Variants in PCMTD1 observed in about 807,000 individuals in gnomAD.
PCMTD1 encodes the protein protein-L-isoaspartate O-methyltransferase domain-containing protein 1.
PCMTD1 carries 12 observed loss-of-function variants against 37.6 expected under a neutral mutation model. That is an observed-to-expected ratio of 0.32 (90% CI 0.20 to 0.52). The LOEUF (loss-of-function observed/expected upper bound fraction) is 0.52. Ranked by LOEUF, PCMTD1 falls within the 20% of genes least tolerant of loss-of-function variation. The pLI, the probability that PCMTD1 is intolerant of heterozygous loss-of-function variation, is 0.97. For missense variants in PCMTD1, 235 were observed against 421.3 expected (o/e 0.56, Z 3.87); for synonymous variants, 117 against 135.8 (o/e 0.86, Z 0.96).
At chr8:51,850,015 C>T (rs570764116) in intron 2 of PCMTD1, 9 of 699,790 alleles carry the variant, frequency 1.3e-5, no homozygotes, top group Admixed American at 8.1e-5. Flanking sequence ...AAGTACTTCA[C>T]AATACATAAA....
At chr8:51,874,836 T>C (rs1439225589) in intron 1 of PCMTD1, among the ~76,000 whole-genome samples, 1 of 152,210 alleles carries the variant, frequency 6.6e-6, no homozygotes, top group Admixed American at 6.5e-5. Flanking sequence ...CACTTGTTTA[T>C]GCCTCAGGAA....
At chr8:51,826,035 A>T (rs1234000920) in intron 5 of PCMTD1, among the ~76,000 whole-genome samples, 1 of 152,228 alleles carries the variant, frequency 6.6e-6, no homozygotes, top group African/African-American at 2.4e-5. Context: ...AAGGATTATA[A>T]ATCATTCTAC....
At chr8:51,832,260 C>T (rs948913086) in intron 4 of PCMTD1, among the ~76,000 whole-genome samples, 8 of 152,070 alleles carry the variant, frequency 5.3e-5, no homozygotes, top group South Asian at 2.1e-4. Context: ...GAAAATGTAT[C>T]GTTAAAGAAA....
At chr8:51,865,805 G>T (rs10104555) in intron 1 of PCMTD1, among the ~76,000 whole-genome samples, 138,936 of 151,770 alleles carry the variant, frequency 0.92, 64,431 homozygotes, top group East Asian at 1. Flanking sequence ...AGAACAAAAT[G>T]CTAGCTGGAA....
At chr8:51,888,569 T>TGCATGACCCAGAATCAAATAC (rs2038895374) in intron 1 of PCMTD1, among the ~76,000 whole-genome samples, 1 of 152,004 alleles carries the variant, frequency 6.6e-6, no homozygotes, top group South Asian at 2.1e-4. Context: ...GAATCAAATA[T>TGCATGACCCAGAATCAAATAC]ATGCATGAAA....
intron 1 of PCMTD1, among the ~76,000 whole-genome samples, chr8:51,878,250 G>GTTTTTTTTTTTTT (rs375362623): frequency 2.2e-5 from 3 of 139,172 alleles, no homozygotes; most frequent in Non-Finnish European, 3.1e-5. Context: ...TTTTTTTTTG[G>GTTTTTTTTTTTTT]TTTTTTTTTT....
At chr8:51,858,285 C>A (rs2038420299) in intron 2 of PCMTD1, among the ~76,000 whole-genome samples, 1 of 146,066 alleles carries the variant, frequency 6.8e-6, no homozygotes, top group Non-Finnish European at 1.5e-5. Context: ...GAGTTTACTA[C>A]TAAATATGTA....
At chr8:51,868,515 G>T (rs1197033517) in intron 1 of PCMTD1, among the ~76,000 whole-genome samples, 2 of 152,084 alleles carry the variant, frequency 1.3e-5, no homozygotes, top group Non-Finnish European at 2.9e-5. Context: ...TTTACAAACT[G>T]TGTTACAAGT....
At chr8:51,873,997 C>A (rs1375514404) in intron 1 of PCMTD1, among the ~76,000 whole-genome samples, 1 of 151,440 alleles carries the variant, frequency 6.6e-6, no homozygotes, top group Non-Finnish European at 1.5e-5. Context: ...ACTGCAAGCT[C>A]CGCCTCCCGG....
At chr8:51,821,116 G>A (rs1026542840) in intron 5 of PCMTD1, among the ~76,000 whole-genome samples, 1 of 152,160 alleles carries the variant, frequency 6.6e-6, no homozygotes, top group Non-Finnish European at 1.5e-5. Context: ...CATAACAACA[G>A]ATGTGAGATC....
At chr8:51,861,341 T>C in intron 1 of PCMTD1, 95 bp from the exon 2 acceptor site, 1 of 887,266 alleles carries the variant, frequency 1.1e-6, no homozygotes, top group Non-Finnish European at 1.6e-6. Context: ...TTAACTACCA[T>C]TTCTCATGGA....
intron 1 of PCMTD1, among the ~76,000 whole-genome samples, chr8:51,885,474 G>C (rs944182367): frequency 1.3e-5 from 2 of 152,172 alleles, no homozygotes; most frequent in South Asian, 2.1e-4. Flanking sequence ...GGATGCCTTA[G>C]TGGCTTCATC....
At position 51,820,485 on chromosome 8, in the gene PCMTD1, C is replaced by T. The variant is rs778884031; in HGVS notation, c.940G>A (p.Glu314Lys). ...TCATTGTGATCTTTTTCCTCCTCTT[C>T]TTTGTTATCCTCTTCCATTTTTTCA... Reference protein sequence around the residue: ...EDEKMEEDNKEEEEKDHNEAM... With the variant: ...EDEKMEEDNKKEEEKDHNEAM... Residue 314 changes from glutamate to lysine, a missense_variant, in exon 6 of 6, where the codon GAA (glutamate) becomes AAA (lysine). By Grantham distance (56) the Glu-to-Lys change is moderately conservative. Coordinates refer to ENST00000522514, the MANE Select transcript of PCMTD1 (RefSeq NM_052937.4). The T allele has an allele frequency of 6.2e-7, 1 of 1,614,036 alleles. No homozygotes were observed. The highest frequency in any genetic ancestry group is 8.5e-7 in the Non-Finnish European group (1 of 1,179,966).
intron 1 of PCMTD1, among the ~76,000 whole-genome samples, chr8:51,891,130 A>AT (rs1480527382): frequency 6.6e-6 from 1 of 152,232 alleles, no homozygotes; most frequent in East Asian, 1.9e-4. Context: ...TATGTTCACA[A>AT]TATCTAGGGA....
chr8:51,858,867 T>A (rs1432212998), intron 2 of PCMTD1, among the ~76,000 whole-genome samples: 1 of 152,172 alleles, frequency 6.6e-6, no homozygotes, highest in Non-Finnish European at 1.5e-5. Context: ...GCATTGTAGA[T>A]CATTTACACA....
At chr8:51,889,865 C>CGTGTGT (rs3075018) in intron 1 of PCMTD1, among the ~76,000 whole-genome samples, 211 of 149,132 alleles carry the variant, frequency 1.4e-3, no homozygotes, top group African/African-American at 4.3e-3. Flanking sequence ...TAAGGATATA[C>CGTGTGT]GTGTGTGTGT....
At position 51,868,922 on chromosome 8, in the gene PCMTD1, G is replaced by A. The variant is rs529250782; in HGVS notation, c.-95-7676C>T. On this transcript the variant is annotated intron_variant, in intron 1 of 5. Coordinates refer to ENST00000522514, the MANE Select transcript of PCMTD1 (RefSeq NM_052937.4). ...TAACTTTTAAGGAACTATATACTTCGTTTTTTTAAACATATGACTGGTATT... is the reference window on the plus strand; with the variant it reads ...TAACTTTTAAGGAACTATATACTTCATTTTTTTAAACATATGACTGGTATT... Among the ~76,000 whole-genome samples the A allele has an allele frequency of 7.9e-5, 12 of 152,070 alleles. 1 individual carries two copies. In the South Asian group the frequency reaches 2.1e-3, roughly 26 times the overall value.
At chr8:51,859,020 C>T (rs898605773) in intron 2 of PCMTD1, among the ~76,000 whole-genome samples, 2 of 152,132 alleles carry the variant, frequency 1.3e-5, no homozygotes, top group African/African-American at 4.8e-5. Flanking sequence ...AAGAAGGCAA[C>T]CTCACTGCTG....
intron 1 of PCMTD1, among the ~76,000 whole-genome samples, chr8:51,897,519 G>T (rs1410470106): frequency 6.6e-6 from 1 of 151,916 alleles, no homozygotes; most frequent in Non-Finnish European, 1.5e-5. Context: ...AGAAAAAAAT[G>T]AAATAAAAAA....
Sources: gnomAD v4.1 joint callset for allele counts (sites outside exome capture counted in the v4.1 genomes callset) on GRCh38, gnomAD v4.1.1 for gene constraint, MANE v1.5 for transcripts, NCBI Gene and HGNC (gene_info 2026-07-23, HGNC 2026-07-21) for gene names.